The following AGXT2 variants were observed in gnomAD, a reference collection of about 807,000 sequenced individuals.
AGXT2 encodes alanine--glyoxylate aminotransferase 2, mitochondrial.
A neutral mutation model predicts 62.5 loss-of-function variants in AGXT2; 61 were observed. The observed-to-expected ratio is 0.98, with a 90% confidence interval of 0.79 to 1.21. AGXT2 has a LOEUF of 1.21. Among genes scored for constraint, AGXT2 ranks in the 50% most tolerant of loss-of-function variants. The probability of loss-of-function intolerance (pLI) is 0.00; values close to 1 mark genes in which losing one functional copy is unlikely to be tolerated. For synonymous variants in AGXT2, 243 were observed against 218.7 expected (o/e 1.11, Z -0.98); for missense variants, 666 against 641.5 (o/e 1.04, Z -0.41).
chr5:35,043,551 G>A (rs1343565837), intron 1 of AGXT2, among the ~76,000 whole-genome samples: 1 of 150,744 alleles, frequency 6.6e-6, no homozygotes, highest in Non-Finnish European at 1.5e-5. Flanking sequence ...TTTCTTTTTT[G>A]AGACAGGATC....
Position 34,998,746 on chromosome 5 carries a change from G to A in AGXT2, c.1518C>T (p.Thr506=). ...ACTTAGCTCTTCTTTCCATGTGTTG[G>A]GTTAAGGCAGAACGAAATACTTCTA... is the stretch of plus-strand genomic sequence containing the variant. The part of the protein sequence containing the change: ...FAVEVFRSAL[T]QHMERRAK The change falls in exon 14 of 14, where the codon ACC becomes ACT. Residue 506 remains threonine (T), a synonymous_variant. Coordinates refer to ENST00000231420, the MANE Select transcript of AGXT2 (RefSeq NM_031900.4). 6.2e-7 allele frequency: 1 copy of A among 1,613,586 alleles called. No homozygotes were observed. Among genetic ancestry groups the A allele is most frequent in the South Asian group, 1.1e-5 (1 of 91,076 alleles).
intron 8 of AGXT2, 187 bp from the exon 9 acceptor site, chr5:35,026,042 A>T (rs1385541205): frequency 4.8e-6 from 3 of 629,522 alleles, no homozygotes; most frequent in Non-Finnish European, 8.4e-6. Context: ...GACTTCTGGA[A>T]AAAAGATGCA....
rs150358712 is a variant in AGXT2 at position 35,026,260 on chromosome 5, G to A, written c.870+150C>T. The stretch of plus-strand genomic sequence containing the variant: ...TTTAAAAGGTCATTTGAAAGTCAGC[G>A]TCTTCTTTTTTCAAGGAGACCAAGA... On this transcript the variant is annotated intron_variant, in intron 8 of 13. Transcript: ENST00000231420. The A allele has an allele frequency of 5.5e-5, 40 of 721,654 alleles. No individual in the cohort carries two copies. The African/African-American group carries it at 5.7e-4, about 10-fold the overall frequency. The allele number at this position is 721,654 out of a possible 1,614,324, so 44.7% of individuals were successfully genotyped here. A position where few individuals can be genotyped will look rare whatever the true frequency, so the allele number is the denominator to read the frequency against.
intron 6 of AGXT2, chr5:35,033,210 C>T (rs1580603823): frequency 2.0e-6 from 1 of 510,708 alleles, no homozygotes; most frequent in East Asian, 3.7e-5. Context: ...ATTCTCAGAG[C>T]CTTGCAGTTT....
At chr5:35,004,963 T>G (rs1022853139) in intron 12 of AGXT2, among the ~76,000 whole-genome samples, 15 of 152,208 alleles carry the variant, frequency 9.9e-5, no homozygotes, top group African/African-American at 3.4e-4. Flanking sequence ...CTTAAAGCCT[T>G]AACATAAGCA....
At chr5:35,025,308 C>T (rs1333702871) in intron 9 of AGXT2, among the ~76,000 whole-genome samples, 2 of 152,122 alleles carry the variant, frequency 1.3e-5, no homozygotes, top group African/African-American at 2.4e-5. Context: ...CCCCAGGAGG[C>T]GGAGGTTGCG....
chr5:35,041,384 G>A (rs1013918036), intron 1 of AGXT2, among the ~76,000 whole-genome samples: 6 of 151,958 alleles, frequency 3.9e-5, no homozygotes, highest in African/African-American at 1.5e-4. Flanking sequence ...AGCGTAAAGT[G>A]GTAAATTAAT....
intron 3 of AGXT2, 131 bp from the exon 4 acceptor site, chr5:35,037,196 GA>G: frequency 7.4e-7 from 1 of 1,352,510 alleles, no homozygotes; most frequent in Non-Finnish European, 1.0e-6. Context: ...TTACACATGA[GA>G]ATAAACTCCT....
intron 4 of AGXT2, 66 bp from the exon 5 acceptor site, chr5:35,035,382 G>T: frequency 7.2e-7 from 1 of 1,394,242 alleles, no homozygotes; most frequent in Non-Finnish European, 1.0e-6. Flanking sequence ...ACTTAAAATT[G>T]CTGAAGGGCA....
chr5:35,006,526 T>C (rs560771894), intron 12 of AGXT2, among the ~76,000 whole-genome samples: 5 of 151,938 alleles, frequency 3.3e-5, no homozygotes, highest in African/African-American at 1.2e-4. Context: ...GGAGGTGCCA[T>C]ACATTTTTAA....
At chr5:35,041,523 C>G (rs1485463674) in intron 1 of AGXT2, among the ~76,000 whole-genome samples, 1 of 152,094 alleles carries the variant, frequency 6.6e-6, no homozygotes, top group Non-Finnish European at 1.5e-5. Flanking sequence ...ACTTTGGCCC[C>G]CCTGCAGCAG....
intron 7 of AGXT2, among the ~76,000 whole-genome samples, chr5:35,028,615 GAGAGAAA>G (rs1427293179): frequency 0.082 from 2,740 of 33,480 alleles, 470 homozygotes; most frequent in Non-Finnish European, 0.1. Context: ...GAGAGAGAGA[GAGAGAAA>G]TTCTTCTACT....
At chr5:35,041,075 A>G (rs1242357472) in intron 1 of AGXT2, among the ~76,000 whole-genome samples, 1 of 152,016 alleles carries the variant, frequency 6.6e-6, no homozygotes, top group African/African-American at 2.4e-5. Flanking sequence ...GTGTGTAGCC[A>G]GTGCCTGGTA....
chr5:35,006,755 A>G (rs1766440642), intron 12 of AGXT2, among the ~76,000 whole-genome samples: 2 of 152,138 alleles, frequency 1.3e-5, no homozygotes, highest in Non-Finnish European at 2.9e-5. Context: ...AAAGGGCTGT[A>G]CCTCCTTACC....
intron 9 of AGXT2, 145 bp from the exon 10 acceptor site, chr5:35,014,264 C>T: frequency 9.2e-7 from 1 of 1,087,826 alleles, no homozygotes; most frequent in South Asian, 1.3e-5. Context: ...CCAGCCTGGC[C>T]AAGATGGTGA....
intron 13 of AGXT2, 87 bp from the exon 14 acceptor site, chr5:34,998,913 C>A: frequency 9.9e-7 from 1 of 1,010,474 alleles, no homozygotes; most frequent in African/African-American, 1.6e-5. Context: ...AAATCCAAAA[C>A]CTTGTGTTTA....
At chr5:35,001,704 T>C (rs1485390472) in intron 13 of AGXT2, among the ~76,000 whole-genome samples, 2 of 152,204 alleles carry the variant, frequency 1.3e-5, no homozygotes, top group African/African-American at 4.8e-5. Context: ...TGGTGTGATG[T>C]GGTGTGCAAA....
intron 12 of AGXT2, among the ~76,000 whole-genome samples, chr5:35,005,420 G>A (rs1268360776): frequency 2.0e-5 from 3 of 152,168 alleles, no homozygotes; most frequent in African/African-American, 7.2e-5. Flanking sequence ...GTAGAGATGG[G>A]GTTTCACTAT....
Position 34,998,832 on chromosome 5 carries a change from G to T in AGXT2, c.1438-6C>A. The T allele has an allele frequency of 6.3e-7, 1 of 1,593,568 alleles. No individual in the cohort carries two copies. ...GAGGGCGCAATGCGAAATGTCTGAG[G>T]AGACACCAAAAAATAAGAAAACAAA... On this transcript the variant is annotated splice_polypyrimidine_tract_variant and splice_region_variant and intron_variant, in intron 13 of 13. Coordinates refer to ENST00000231420, the MANE Select transcript of AGXT2 (RefSeq NM_031900.4).
Sources: gnomAD v4.1 joint callset for allele counts (sites outside exome capture counted in the v4.1 genomes callset) on GRCh38, gnomAD v4.1.1 for gene constraint, MANE v1.5 for transcripts, NCBI Gene and HGNC (gene_info 2026-07-23, HGNC 2026-07-21) for gene names.